Variants in SPECC1L observed in about 807,000 individuals in gnomAD.
SPECC1L encodes cytospin-A.
SPECC1L carries 40 observed loss-of-function variants against 116.8 expected under a neutral mutation model. That is an observed-to-expected ratio of 0.34 (90% CI 0.27 to 0.45). The LOEUF (loss-of-function observed/expected upper bound fraction) is 0.45. SPECC1L is among the 20% of genes least tolerant of loss of function. The probability of loss-of-function intolerance (pLI) is 1.00; values close to 1 mark genes in which losing one functional copy is unlikely to be tolerated. For synonymous variants in SPECC1L, 504 were observed against 500.6 expected, an observed-to-expected ratio of 1.01 and a Z score of -0.09; for missense variants, 1,110 against 1,373.6, an observed-to-expected ratio of 0.81 and a Z score of 3.03.
chr22:24,393,812 G>A (rs982950975), intron 14 of SPECC1L, among the ~76,000 whole-genome samples: 3 of 151,934 alleles, frequency 2.0e-5, no homozygotes, highest in Non-Finnish European at 4.4e-5. Context: ...ACATTTCCTC[G>A]TGCCCCTTTG....
chr22:24,298,824 A>C (rs1442819927), intron 2 of SPECC1L, among the ~76,000 whole-genome samples: 2 of 152,218 alleles, frequency 1.3e-5, no homozygotes, highest in Non-Finnish European at 2.9e-5. Flanking sequence ...CCACTGAATA[A>C]AACGTTAATT....
chr22:24,271,389 C>T (rs1427773382), intron 1 of SPECC1L, among the ~76,000 whole-genome samples: 1 of 152,252 alleles, frequency 6.6e-6, no homozygotes, highest in East Asian at 1.9e-4. Context: ...GGGGCGGGGA[C>T]AGCGTTGTTC....
At chr22:24,332,293 A>C (rs2040954179) in intron 8 of SPECC1L, among the ~76,000 whole-genome samples, 1 of 152,228 alleles carries the variant, frequency 6.6e-6, no homozygotes, top group Admixed American at 6.5e-5. Flanking sequence ...TCTTCTGATG[A>C]GATCATTGCG....
chr22:24,377,366 G>T (rs1431451545), intron 14 of SPECC1L, among the ~76,000 whole-genome samples: 2 of 151,954 alleles, frequency 1.3e-5, no homozygotes, highest in Non-Finnish European at 2.9e-5. Flanking sequence ...GGTCTCAAGT[G>T]ATCTTCCCAC....
At chr22:24,291,702 C>G (rs929485802) in intron 2 of SPECC1L, among the ~76,000 whole-genome samples, 1 of 152,158 alleles carries the variant, frequency 6.6e-6, no homozygotes, top group African/African-American at 2.4e-5. Context: ...CCACTTTAGG[C>G]TCATTATTTC....
intron 11 of SPECC1L, among the ~76,000 whole-genome samples, chr22:24,348,840 G>T (rs1245026365): frequency 6.6e-6 from 1 of 152,196 alleles, no homozygotes; most frequent in East Asian, 1.9e-4. Flanking sequence ...AACACCTGCA[G>T]CTGCTGAAGT....
At chr22:24,384,904 G>A (rs28432674) in intron 14 of SPECC1L, among the ~76,000 whole-genome samples, 2 of 151,788 alleles carry the variant, frequency 1.3e-5, no homozygotes, top group Admixed American at 6.6e-5. Flanking sequence ...GTGAAACCCC[G>A]TCTCAACTAA....
chr22:24,353,581 A>AT, intron 11 of SPECC1L, among the ~76,000 whole-genome samples: 1 of 151,662 alleles, frequency 6.6e-6, no homozygotes, highest in East Asian at 1.9e-4. Flanking sequence ...ATTTTTTTGT[A>AT]TTTTTTGGTA....
chr22:24,317,925 G>A (rs1369056068), intron 4 of SPECC1L, among the ~76,000 whole-genome samples: 7 of 152,124 alleles, frequency 4.6e-5, no homozygotes, highest in Non-Finnish European at 7.4e-5. Flanking sequence ...CAGATGATGG[G>A]CGGCCGGGCA....
intron 2 of SPECC1L, among the ~76,000 whole-genome samples, chr22:24,288,519 C>T (rs1420628508): frequency 6.9e-6 from 1 of 144,850 alleles, no homozygotes; most frequent in African/African-American, 2.6e-5. Flanking sequence ...CAGTGAAATG[C>T]TTGTTGAAAA....
rs780753416 is a variant in SPECC1L, at chr22:24,334,472, C to T, written c.2459C>T (p.Ala820Val). 1.2e-6 allele frequency: 2 copies of T among 1,614,082 alleles called. No individual in the cohort carries two copies. The highest frequency in any genetic ancestry group is 1.7e-6 in the Non-Finnish European group (2 of 1,180,010). The change falls in exon 9 of 17, where the codon GCC (alanine) becomes GTC (valine). Residue 820 changes from alanine (A) to valine (V), a missense_variant. Coordinates refer to ENST00000314328, the MANE Select transcript of SPECC1L (RefSeq NM_015330.6). Reference sequence around the variant, plus strand: ...AATGCCGTTGAGAGAGATTTGGCAGCCTTAAGGCAGGGAATGGGACTGAGT... The same window carrying T: ...AATGCCGTTGAGAGAGATTTGGCAGTCTTAAGGCAGGGAATGGGACTGAGT... ...YMNAVERDLA[A>V]LRQGMGLSRR...
At chr22:24,384,903 C>T (rs757949477) in intron 14 of SPECC1L, among the ~76,000 whole-genome samples, 10 of 151,780 alleles carry the variant, frequency 6.6e-5, no homozygotes, top group Non-Finnish European at 1.3e-4. Context: ...AGTGAAACCC[C>T]GTCTCAACTA....
At chr22:24,317,478 A>G (rs1283495641) in intron 4 of SPECC1L, among the ~76,000 whole-genome samples, 68 of 60,074 alleles carry the variant, frequency 1.1e-3, no homozygotes, top group Admixed American at 2.4e-3. Flanking sequence ...CTGGCTGGGC[A>G]GGGGGCTGAC....
At chr22:24,406,012 T>C (rs2042584582) in intron 14 of SPECC1L, among the ~76,000 whole-genome samples, 1 of 151,994 alleles carries the variant, frequency 6.6e-6, no homozygotes. Flanking sequence ...TTCATACTGG[T>C]GGTGGTGAGT....
At chr22:24,412,808 G>A in intron 16 of SPECC1L, 101 bp downstream of exon 16, 2 of 1,334,054 alleles carry the variant, frequency 1.5e-6, no homozygotes, top group African/African-American at 1.4e-5. Flanking sequence ...GGGTAGTGTG[G>A]CTGCCTGGTA....
At chr22:24,408,394 A>T (rs377160323) in intron 14 of SPECC1L, among the ~76,000 whole-genome samples, 1 of 152,266 alleles carries the variant, frequency 6.6e-6, no homozygotes, top group Admixed American at 6.5e-5. Flanking sequence ...CCTCTTGGGA[A>T]TGTAGCAGGT....
intron 14 of SPECC1L, among the ~76,000 whole-genome samples, chr22:24,407,212 A>G (rs1274050805): frequency 6.6e-6 from 1 of 152,164 alleles, no homozygotes; most frequent in East Asian, 1.9e-4. Context: ...TTGATAGGAA[A>G]TTTCGTTGTC....
chr22:24,385,518 G>A (rs548221856), intron 14 of SPECC1L, among the ~76,000 whole-genome samples: 48 of 152,276 alleles, frequency 3.2e-4, no homozygotes, highest in Middle Eastern at 3.4e-3. Context: ...TGTCCTATGC[G>A]AGCACTAACC....
At chr22:24,271,565 CT>C (rs1037571286) in intron 1 of SPECC1L, among the ~76,000 whole-genome samples, 6 of 152,264 alleles carry the variant, frequency 3.9e-5, no homozygotes, top group Admixed American at 3.3e-4. Flanking sequence ...AATCCGGTAC[CT>C]GTCTGAGGAA....
Sources: gnomAD v4.1 joint callset for allele counts (sites outside exome capture counted in the v4.1 genomes callset) on GRCh38, gnomAD v4.1.1 for gene constraint, MANE v1.5 for transcripts, NCBI Gene and HGNC (gene_info 2026-07-23, HGNC 2026-07-21) for gene names.